The following CLEC1A variants were observed in gnomAD, a reference collection of about 807,000 sequenced individuals.
CLEC1A encodes the protein C-type lectin domain family 1 member A.
A neutral mutation model predicts 28.7 loss-of-function variants in CLEC1A; 34 were observed. The ratio of observed to expected loss-of-function variants is 1.18; its 90% CI spans 0.90 to 1.57. The LOEUF (loss-of-function observed/expected upper bound fraction) is 1.57, where lower values mean the gene tolerates loss of function less well. Among genes scored for constraint, CLEC1A ranks in the 40% most tolerant of loss-of-function variants. CLEC1A has a pLI of 0.00. For missense variants in CLEC1A, 385 were observed against 339.5 expected, an observed-to-expected ratio of 1.13 and a Z score of -1.05; for synonymous variants, 116 against 121.0, an observed-to-expected ratio of 0.96 and a Z score of 0.27.
intron 2 of CLEC1A, chr12:10,084,577 C>G (rs926030338): frequency 6.6e-6 from 1 of 152,068 alleles, no homozygotes; most frequent in Non-Finnish European, 1.5e-5. Context: ...AATTCCAGCA[C>G]GTTGGGAGGC....
At chr12:10,098,107 A>G (rs983548557) in intron 1 of CLEC1A, among the ~76,000 whole-genome samples, 4 of 152,060 alleles carry the variant, frequency 2.6e-5, no homozygotes, top group Admixed American at 2.6e-4. Context: ...GAAGAAAACA[A>G]TGATATAATC....
Position 10,071,227 on chromosome 12 carries a change from C to T in CLEC1A, c.*106G>A, listed in dbSNP as rs778092254. 1 of 1,088,936 alleles carries T rather than the reference C, an allele frequency of 9.2e-7. No homozygotes were observed. Among genetic ancestry groups the T allele is most frequent in the Admixed American group, 2.2e-5 (1 of 45,326 alleles). 67.5% of individuals were successfully genotyped at this position (1,088,936 alleles called of 1,614,324 possible). A position where few individuals can be genotyped will look rare whatever the true frequency, so the allele number is the denominator to read the frequency against. On this transcript the variant is annotated 3_prime_UTR_variant, in exon 6 of 6. Coordinates refer to ENST00000315330, the MANE Select transcript of CLEC1A (RefSeq NM_016511.4). The stretch of plus-strand genomic sequence containing the variant: ...ACACGAGAACCCATTTTGTACTAGT[C>T]AGAGAGATAGTCTTTCCTGATTATG...
In CLEC1A at chr12:10,075,540, G is replaced by T. The variant is rs768281984; in HGVS notation, c.507C>A (p.Asn169Lys). Residue 169 changes from asparagine (N) to lysine (K), a missense_variant, in exon 4 of 6, where the codon AAC becomes AAA. Physicochemically the swap from Asn to Lys is moderately conservative, Grantham distance 94. Transcript: ENST00000315330. ...EDCKYFCLSE[N>K]STMLKINKQE... ...GTTTGTTTATCTTCAGCATGGTAGA[G>T]TTTTCACTAAGGCAGAAATATTTAC... is the stretch of plus-strand genomic sequence containing the variant. 2.5e-6 allele frequency: 4 copies of T among 1,613,948 alleles called. No homozygotes were observed. Among genetic ancestry groups the T allele is most frequent in the Non-Finnish European group, 3.4e-6 (4 of 1,179,906 alleles).
chr12:10,090,771 C>T (rs1866603499), intron 1 of CLEC1A, among the ~76,000 whole-genome samples: 1 of 151,878 alleles, frequency 6.6e-6, no homozygotes, highest in Non-Finnish European at 1.5e-5. Context: ...AAGTAGCTTT[C>T]ATTACATTTA....
At chr12:10,080,390 G>C (rs1370898898) in intron 3 of CLEC1A, among the ~76,000 whole-genome samples, 1 of 152,118 alleles carries the variant, frequency 6.6e-6, no homozygotes, top group Non-Finnish European at 1.5e-5. Flanking sequence ...AGTTATGTAG[G>C]AAAGAATCAC....
Position 10,081,275 on chromosome 12 carries a change from G to A in CLEC1A, c.353C>T (p.Ala118Val). ...ATACAGCTCACGACAGAGTTTTTCA[G>A]CCACATGCTGCAGACTTCCTGCAAG... is the stretch of plus-strand genomic sequence containing the variant. The part of the protein sequence containing the change: ...IKLAGSLQHV[A>V]EKLCRELYNK... Residue 118 changes from alanine (A) to valine (V), a missense_variant, in exon 3 of 6, where the codon GCT becomes GTT. By Grantham distance (64) the Ala-to-Val change is moderately conservative (BLOSUM62 0). Coordinates refer to ENST00000315330, the MANE Select transcript of CLEC1A (RefSeq NM_016511.4). The A allele has an allele frequency of 6.2e-7, 1 of 1,610,786 alleles. No homozygotes were observed. The highest frequency in any genetic ancestry group is 2.2e-5 in the East Asian group (1 of 44,714).
At position 10,071,441 on chromosome 12, in the gene CLEC1A, G is replaced by A. The variant is rs370181561; in HGVS notation, c.735C>T (p.Phe245=). Residue 245 remains phenylalanine (F), a synonymous_variant, in exon 6 of 6, where the codon TTC becomes TTT. Transcript: ENST00000315330. The part of the protein sequence containing the change: ...DCVAILNGMI[F]SKDCKELKRC... Reference sequence around the variant, plus strand: ...GCTTCAATTCTTTGCAGTCCTTTGAGAAGATCATCCCATTAAGGATGGCCA... The same window carrying A: ...GCTTCAATTCTTTGCAGTCCTTTGAAAAGATCATCCCATTAAGGATGGCCA... 102 of 1,613,958 alleles carry A rather than the reference G, an allele frequency of 6.3e-5. No individual in the cohort carries two copies. The Middle Eastern group carries it at 2.0e-3, about 31-fold the overall frequency.
chr12:10,079,749 A>G (rs190415642), intron 3 of CLEC1A, among the ~76,000 whole-genome samples: 7 of 152,126 alleles, frequency 4.6e-5, no homozygotes, highest in Admixed American at 1.3e-4. Context: ...AACCCAGGAG[A>G]TGGAGACCGC....
At chr12:10,093,669 C>G (rs560279803) in intron 1 of CLEC1A, among the ~76,000 whole-genome samples, 117 of 151,986 alleles carry the variant, frequency 7.7e-4, no homozygotes, top group Middle Eastern at 3.4e-3. Context: ...GTGCATGTTA[C>G]AAACTAGTTG....
chr12:10,072,378 G>T (rs1398989421), intron 5 of CLEC1A, among the ~76,000 whole-genome samples: 1 of 152,186 alleles, frequency 6.6e-6, no homozygotes, highest in East Asian at 1.9e-4. Context: ...ATGCAAAAAT[G>T]GACTAACACA....
chr12:10,082,517 G>C (rs1204934550), intron 2 of CLEC1A, among the ~76,000 whole-genome samples: 1 of 152,128 alleles, frequency 6.6e-6, no homozygotes, highest in Non-Finnish European at 1.5e-5. Flanking sequence ...CCCGTCCAAG[G>C]AGAGTGGGAG....
chr12:10,089,473 A>G (rs1238942720), intron 1 of CLEC1A, among the ~76,000 whole-genome samples: 1 of 151,996 alleles, frequency 6.6e-6, no homozygotes. Flanking sequence ...CTTACTTTGC[A>G]CTGAATCACA....
At chr12:10,093,983 C>G (rs1211967037) in intron 1 of CLEC1A, among the ~76,000 whole-genome samples, 1 of 152,048 alleles carries the variant, frequency 6.6e-6, no homozygotes, top group African/African-American at 2.4e-5. Flanking sequence ...TTTTCATACT[C>G]TCTAAATGAA....
In CLEC1A at chr12:10,075,574, C is replaced by G; in HGVS notation, c.473G>C (p.Trp158Ser). 1 of 1,613,908 alleles carries G rather than the reference C, an allele frequency of 6.2e-7. No individual in the cohort carries two copies. Among genetic ancestry groups the G allele is most frequent in the Non-Finnish European group, 8.5e-7 (1 of 1,179,884 alleles). Residue 158 changes from tryptophan (W) to serine (S), a missense_variant, in exon 4 of 6, where the codon TGG (tryptophan) becomes TCG (serine). Trp to Ser is a radical substitution (Grantham distance 177, BLOSUM62 -3). Transcript: ENST00000315330. Reference sequence around the variant, plus strand: ...AAGGCAGAAATATTTACAGTCCTCCCAACTTTTGCTGTCTTTATAGAACTG... The same window carrying G: ...AAGGCAGAAATATTTACAGTCCTCCGAACTTTTGCTGTCTTTATAGAACTG... ...CYQFYKDSKSWEDCKYFCLSE... is the reference protein window; with the variant it reads ...CYQFYKDSKSSEDCKYFCLSE...
In CLEC1A at chr12:10,082,479, C is replaced by A. The variant is rs148710353; in HGVS notation, c.215-1066G>T. On this transcript the variant is annotated intron_variant, in intron 2 of 5. Coordinates refer to ENST00000315330, the MANE Select transcript of CLEC1A (RefSeq NM_016511.4). ...AGCCATAAAATCCTGAGAACCAACCCCCATCCCCCACAGGATTCATGACAA... is the reference window on the plus strand; with the variant it reads ...AGCCATAAAATCCTGAGAACCAACCACCATCCCCCACAGGATTCATGACAA... Among the ~76,000 whole-genome samples the A allele has an allele frequency of 1.9e-3, 294 of 152,222 alleles. 2 individuals carry two copies. Among genetic ancestry groups the A allele is most frequent in the African/African-American group, 6.9e-3 (286 of 41,530 alleles).
chr12:10,076,135 C>T (rs528108965), intron 3 of CLEC1A, among the ~76,000 whole-genome samples: 1 of 152,198 alleles, frequency 6.6e-6, no homozygotes, highest in African/African-American at 2.4e-5. Flanking sequence ...TGAGGCAAGC[C>T]TGAAGTTAGA....
At chr12:10,083,072 C>A (rs10772231) in intron 2 of CLEC1A, among the ~76,000 whole-genome samples, 119,206 of 152,134 alleles carry the variant, frequency 0.78, 48,049 homozygotes, top group Middle Eastern at 0.88. Context: ...CAGCCTGGAG[C>A]CTGGTAGCAC....
rs1381143243 is a variant in CLEC1A at position 10,071,527 on chromosome 12, G to A, written c.663-14C>T. 6.4e-7 allele frequency: 1 copy of A among 1,556,712 alleles called. No homozygotes were observed. Among genetic ancestry groups the A allele is most frequent in the African/African-American group, 1.4e-5 (1 of 72,510 alleles). On this transcript the variant is annotated splice_polypyrimidine_tract_variant and intron_variant, in intron 5 of 5. Transcript: ENST00000315330. ...ATAATATGGAACCTTAAGAAAGGAA[G>A]AAAAAGTAAATTCAATCACGGTTTA... is the stretch of plus-strand genomic sequence containing the variant.
At chr12:10,090,394 G>T (rs1866590638) in intron 1 of CLEC1A, among the ~76,000 whole-genome samples, 1 of 152,066 alleles carries the variant, frequency 6.6e-6, no homozygotes, top group Non-Finnish European at 1.5e-5. Context: ...GGAACTACAG[G>T]CACGTGCCAC....
Sources: gnomAD v4.1 joint callset for allele counts (sites outside exome capture counted in the v4.1 genomes callset) on GRCh38, gnomAD v4.1.1 for gene constraint, MANE v1.5 for transcripts, NCBI Gene and HGNC (gene_info 2026-07-23, HGNC 2026-07-21) for gene names.